Variants in FAF1 observed in about 807,000 individuals in gnomAD.
The protein encoded by FAF1 is FAS-associated factor 1.
A neutral mutation model predicts 92.5 loss-of-function variants in FAF1; 25 were observed. The ratio of observed to expected loss-of-function variants is 0.27; its 90% confidence interval spans 0.20 to 0.38. The LOEUF is 0.38. Among genes scored for constraint, FAF1 ranks in the 10% least tolerant of loss-of-function variants. FAF1 has a pLI of 1.00. For synonymous variants in FAF1, 234 were observed against 273.2 expected (o/e 0.86, Z 1.42); for missense variants, 636 against 793.3 (o/e 0.80, Z 2.38).
At chr1:50,789,024 G>A (rs1376146856) in intron 3 of FAF1, among the ~76,000 whole-genome samples, 2 of 152,034 alleles carry the variant, frequency 1.3e-5, no homozygotes, top group Non-Finnish European at 2.9e-5. Context: ...TGTAGAAACG[G>A]AGTCTTGTTA....
At chr1:50,726,299 C>A (rs1658650279) in intron 6 of FAF1, among the ~76,000 whole-genome samples, 1 of 151,926 alleles carries the variant, frequency 6.6e-6, no homozygotes, top group African/African-American at 2.4e-5. Context: ...AAGTCCAGCA[C>A]AAAAAGATAA....
chr1:50,501,867 A>T (rs919965515), intron 15 of FAF1, among the ~76,000 whole-genome samples: 2 of 152,214 alleles, frequency 1.3e-5, no homozygotes, highest in African/African-American at 2.4e-5. Context: ...TACCCAAGAC[A>T]AATGACCATA....
intron 1 of FAF1, among the ~76,000 whole-genome samples, chr1:50,861,670 C>T (rs1048065130): frequency 6.6e-6 from 1 of 151,708 alleles, no homozygotes; most frequent in Non-Finnish European, 1.5e-5. Flanking sequence ...ATCCATGTAA[C>T]ATAACTGCAC....
chr1:50,541,699 G>A (rs1265119881), intron 13 of FAF1, among the ~76,000 whole-genome samples: 1 of 151,586 alleles, frequency 6.6e-6, no homozygotes, highest in African/African-American at 2.4e-5. Flanking sequence ...TTAAGTACTA[G>A]TACTAGCTAA....
chr1:50,627,834 A>ATT (rs532972229), intron 8 of FAF1, among the ~76,000 whole-genome samples: 46 of 149,938 alleles, frequency 3.1e-4, no homozygotes, highest in Admixed American at 8.7e-4. Flanking sequence ...TCAACAAAAC[A>ATT]TTTTTTTTTT....
intron 1 of FAF1, among the ~76,000 whole-genome samples, chr1:50,884,570 T>G (rs1360350944): frequency 6.6e-6 from 1 of 152,066 alleles, no homozygotes; most frequent in Non-Finnish European, 1.5e-5. Flanking sequence ...CAGATTTACT[T>G]GTGTATGCTG....
chr1:50,766,487 T>C (rs1443626403), intron 4 of FAF1, among the ~76,000 whole-genome samples: 1 of 152,016 alleles, frequency 6.6e-6, no homozygotes, highest in African/African-American at 2.4e-5. Context: ...GATGGCCAAC[T>C]AGCTGCAGCC....
intron 14 of FAF1, among the ~76,000 whole-genome samples, chr1:50,538,908 C>A (rs1280615019): frequency 6.6e-6 from 1 of 152,146 alleles, no homozygotes; most frequent in Non-Finnish European, 1.5e-5. Flanking sequence ...AATTAGTATA[C>A]CAGATATAGT....
intron 17 of FAF1, among the ~76,000 whole-genome samples, chr1:50,485,628 C>G (rs891352578): frequency 7.2e-6 from 1 of 139,294 alleles, no homozygotes; most frequent in Non-Finnish European, 1.5e-5. Flanking sequence ...TGCTACTGCA[C>G]CACTGCACCC....
intron 3 of FAF1, among the ~76,000 whole-genome samples, chr1:50,800,568 C>G (rs767452125): frequency 6.6e-6 from 1 of 152,124 alleles, no homozygotes; most frequent in Admixed American, 6.5e-5. Flanking sequence ...ATCTTTCTGA[C>G]AGTTTAGAAG....
At chr1:50,639,747 A>G (rs1654229663) in intron 8 of FAF1, among the ~76,000 whole-genome samples, 1 of 152,086 alleles carries the variant, frequency 6.6e-6, no homozygotes, top group African/African-American at 2.4e-5. Flanking sequence ...CAGCCTGACC[A>G]ATATGGTGAA....
intron 3 of FAF1, among the ~76,000 whole-genome samples, chr1:50,789,665 C>A (rs1395358001): frequency 1.3e-5 from 2 of 152,190 alleles, no homozygotes; most frequent in Non-Finnish European, 2.9e-5. Flanking sequence ...TCCTGCAACA[C>A]TGAATTCCAT....
intron 15 of FAF1, among the ~76,000 whole-genome samples, chr1:50,529,419 T>C (rs903036641): frequency 3.9e-5 from 6 of 152,248 alleles, no homozygotes; most frequent in Non-Finnish European, 8.8e-5. Flanking sequence ...AACAGTCTAA[T>C]AAATTGTAAC....
At chr1:50,688,167 A>G (rs979413708) in intron 7 of FAF1, among the ~76,000 whole-genome samples, 1 of 151,728 alleles carries the variant, frequency 6.6e-6, no homozygotes, top group African/African-American at 2.4e-5. Context: ...AAAAATAAAA[A>G]TAAAATAAAA....
At chr1:50,913,689 A>G (rs1644901802) in intron 1 of FAF1, among the ~76,000 whole-genome samples, 1 of 152,148 alleles carries the variant, frequency 6.6e-6, no homozygotes, top group Non-Finnish European at 1.5e-5. Context: ...ATATTGGGGG[A>G]AAAAATGAGA....
chr1:50,752,465 G>A (rs1055901041), intron 4 of FAF1, among the ~76,000 whole-genome samples: 15 of 151,982 alleles, frequency 9.9e-5, no homozygotes, highest in East Asian at 1.9e-4. Flanking sequence ...GTACGTAGGC[G>A]CTTCTTTCAT....
chr1:50,527,506 T>C (rs17387024), intron 15 of FAF1, among the ~76,000 whole-genome samples: 16,022 of 152,236 alleles, frequency 0.11, 1,089 homozygotes, highest in Middle Eastern at 0.28. Context: ...TTCTGCCTCA[T>C]CTTTTAAAAT....
At chr1:50,913,080 G>A (rs1221375075) in intron 1 of FAF1, among the ~76,000 whole-genome samples, 1 of 152,178 alleles carries the variant, frequency 6.6e-6, no homozygotes, top group Non-Finnish European at 1.5e-5. Flanking sequence ...AAAATGCTCT[G>A]TCACTTATTA....
At chr1:50,911,347 C>T (rs1297871737) in intron 1 of FAF1, among the ~76,000 whole-genome samples, 21 of 150,668 alleles carry the variant, frequency 1.4e-4, no homozygotes, top group African/African-American at 4.9e-5. Context: ...ACTGGGATTA[C>T]AGGTGTGAGC....
Sources: gnomAD v4.1 joint callset for allele counts (sites outside exome capture counted in the v4.1 genomes callset) on GRCh38, gnomAD v4.1.1 for gene constraint, MANE v1.5 for transcripts, NCBI Gene and HGNC (gene_info 2026-07-23, HGNC 2026-07-21) for gene names.